Variants in BEND7 observed in about 807,000 individuals in gnomAD.
BEND7 encodes BEN domain containing 7.
Under a neutral mutation model 50.9 loss-of-function variants are expected in BEND7, and 28 were observed. The ratio of observed to expected loss-of-function variants is 0.55; its 90% CI spans 0.41 to 0.75. The LOEUF is 0.75. BEND7 is among the 30% of genes least tolerant of loss of function. BEND7 has a pLI of 0.00. For synonymous variants in BEND7, 170 were observed against 183.9 expected (o/e 0.92, Z 0.61); for missense variants, 477 against 491.3 (o/e 0.97, Z 0.28).
At chr10:13,519,529 G>C (rs1350926150) in intron 2 of BEND7, among the ~76,000 whole-genome samples, 2 of 152,018 alleles carry the variant, frequency 1.3e-5, no homozygotes, top group Non-Finnish European at 2.9e-5. Flanking sequence ...CTGGGAGAAG[G>C]AGAGAGAATG....
chr10:13,463,323 A>C (rs1000527164), intron 6 of BEND7, among the ~76,000 whole-genome samples: 1 of 152,230 alleles, frequency 6.6e-6, no homozygotes, highest in Non-Finnish European at 1.5e-5. Flanking sequence ...CACAGAGGCA[A>C]AGAACTGGAG....
intron 7 of BEND7, among the ~76,000 whole-genome samples, chr10:13,450,397 C>T (rs1837406250): frequency 6.6e-6 from 1 of 152,210 alleles, no homozygotes; most frequent in Non-Finnish European, 1.5e-5. Flanking sequence ...ATCCAGACCT[C>T]TCGGTTCCTA....
At chr10:13,497,977 T>C (rs1310863253) in intron 3 of BEND7, among the ~76,000 whole-genome samples, 1 of 152,096 alleles carries the variant, frequency 6.6e-6, no homozygotes, top group Non-Finnish European at 1.5e-5. Flanking sequence ...ACATTCAAAA[T>C]TGTAGCAAAA....
chr10:13,503,382 C>T (rs78864247), intron 2 of BEND7, among the ~76,000 whole-genome samples: 27 of 152,306 alleles, frequency 1.8e-4, no homozygotes, highest in African/African-American at 6.5e-4. Context: ...AGTAAGCTCA[C>T]GGCCTAGCTC....
chr10:13,524,235 A>T (rs905749735), intron 2 of BEND7, among the ~76,000 whole-genome samples: 1 of 152,226 alleles, frequency 6.6e-6, no homozygotes, highest in African/African-American at 2.4e-5. Flanking sequence ...GCCTTGCTGG[A>T]GAACTAAATC....
chr10:13,516,734 A>C (rs1406830283), intron 2 of BEND7, among the ~76,000 whole-genome samples: 1 of 152,158 alleles, frequency 6.6e-6, no homozygotes, highest in African/African-American at 2.4e-5. Flanking sequence ...CAAAGGAAAA[A>C]AAAATTATTT....
At chr10:13,521,730 G>A (rs1409615738) in intron 2 of BEND7, among the ~76,000 whole-genome samples, 2 of 152,152 alleles carry the variant, frequency 1.3e-5, no homozygotes, top group African/African-American at 4.8e-5. Flanking sequence ...TTGGAAGTGG[G>A]GCTCAGCTCC....
chr10:13,467,248 C>T (rs1246196418), intron 6 of BEND7, among the ~76,000 whole-genome samples: 1 of 152,132 alleles, frequency 6.6e-6, no homozygotes, highest in African/African-American at 2.4e-5. Context: ...CTTTCAGGCA[C>T]CAAGTTGCTA....
intron 3 of BEND7, 99 bp from the exon 4 acceptor site, chr10:13,496,987 A>G: frequency 2.9e-6 from 4 of 1,375,700 alleles, no homozygotes; most frequent in South Asian, 1.6e-5. Flanking sequence ...TCTTGGCAGG[A>G]TTTTGAAGCA....
At chr10:13,465,478 C>T (rs1005959743) in intron 6 of BEND7, among the ~76,000 whole-genome samples, 78 of 152,304 alleles carry the variant, frequency 5.1e-4, no homozygotes, top group African/African-American at 1.9e-3. Flanking sequence ...TGAGGACCAT[C>T]TCATCTTCGT....
chr10:13,509,113 A>G (rs1468483117), intron 2 of BEND7, among the ~76,000 whole-genome samples: 1 of 152,248 alleles, frequency 6.6e-6, no homozygotes, highest in Non-Finnish European at 1.5e-5. Context: ...ATGAGCTATC[A>G]CACGGCTTCT....
chr10:13,525,262 T>C (rs999943242), intron 2 of BEND7, among the ~76,000 whole-genome samples: 4 of 152,184 alleles, frequency 2.6e-5, no homozygotes, highest in Non-Finnish European at 5.9e-5. Context: ...AAATCTTACG[T>C]GGTTTCATTT....
chr10:13,504,976 G>A (rs182987071), intron 2 of BEND7, among the ~76,000 whole-genome samples: 1 of 152,338 alleles, frequency 6.6e-6, no homozygotes, highest in East Asian at 1.9e-4. Context: ...ACACAAGGTT[G>A]CCCTTAACTT....
intron 6 of BEND7, among the ~76,000 whole-genome samples, chr10:13,467,934 A>G (rs1309318015): frequency 6.6e-6 from 1 of 152,182 alleles, no homozygotes; most frequent in East Asian, 1.9e-4. Flanking sequence ...CAAGGAATAT[A>G]CAAAGCAAAC....
intron 4 of BEND7, among the ~76,000 whole-genome samples, chr10:13,493,954 A>C (rs1452426613): frequency 6.6e-6 from 1 of 152,222 alleles, no homozygotes; most frequent in African/African-American, 2.4e-5. Context: ...AATAAAGAAT[A>C]TTTACACTTT....
At chr10:13,442,430 A>G (rs1428305856) in intron 8 of BEND7, 1 of 152,234 alleles carries the variant, frequency 6.6e-6, no homozygotes, top group African/African-American at 2.4e-5. Context: ...TAAATAACAC[A>G]GTGTTTTAAA....
At chr10:13,444,016 G>A (rs1311195262) in intron 8 of BEND7, 1 of 151,750 alleles carries the variant, frequency 6.6e-6, no homozygotes, top group Non-Finnish European at 1.5e-5. Flanking sequence ...AAATTTGGAA[G>A]CCCCATTTTA....
chr10:13,497,807 G>A (rs1461546302), intron 3 of BEND7, among the ~76,000 whole-genome samples: 2 of 152,028 alleles, frequency 1.3e-5, no homozygotes, highest in Admixed American at 1.3e-4. Flanking sequence ...AGGCCAGCAA[G>A]GTAAGTTCCA....
At chr10:13,529,418 G>A (rs2079588008), upstream of BEND7, among the ~76,000 whole-genome samples, 1 of 152,162 alleles carries the variant, frequency 6.6e-6, no homozygotes, top group South Asian at 2.1e-4. Context: ...AAGTTTTAGG[G>A]GGAAAAAACT....
Sources: gnomAD v4.1 joint callset for allele counts (sites outside exome capture counted in the v4.1 genomes callset) on GRCh38, gnomAD v4.1.1 for gene constraint, MANE v1.5 for transcripts, NCBI Gene and HGNC (gene_info 2026-07-23, HGNC 2026-07-21) for gene names.